Variants in PSMA8 observed in about 807,000 individuals in gnomAD.
PSMA8 encodes the protein proteasome subunit alpha-type 8.
Under a neutral mutation model 32.4 loss-of-function variants are expected in PSMA8, and 18 were observed. That is an observed-to-expected ratio of 0.56 (90% CI 0.38 to 0.82). The LOEUF (loss-of-function observed/expected upper bound fraction) is 0.82. Among genes scored for constraint, PSMA8 ranks in the 40% least tolerant of loss-of-function variants. The pLI is 0.00. For missense variants in PSMA8, 298 were observed against 300.7 expected, an observed-to-expected ratio of 0.99 and a Z score of 0.07; for synonymous variants, 104 against 98.1, an observed-to-expected ratio of 1.06 and a Z score of -0.36.
chr18:26,144,777 A>G (rs2054989232), intron 2 of PSMA8, 92 bp downstream of exon 2: 1 of 1,225,540 alleles, frequency 8.2e-7, no homozygotes, highest in African/African-American at 1.5e-5. Flanking sequence ...TATATTTATA[A>G]AACATGTGGA....
At chr18:26,144,509 T>C (rs750225138) in intron 1 of PSMA8, 50 bp from the exon 2 acceptor site, 1 of 1,523,180 alleles carries the variant, frequency 6.6e-7, no homozygotes, top group South Asian at 1.2e-5. Context: ...AACTTGGTTT[T>C]ATATTTTAAA....
intron 4 of PSMA8, among the ~76,000 whole-genome samples, chr18:26,159,699 T>C (rs1041139197): frequency 6.6e-6 from 1 of 151,984 alleles, no homozygotes. Context: ...GTCAGGAAAA[T>C]TATGGAATTT....
intron 4 of PSMA8, among the ~76,000 whole-genome samples, chr18:26,176,636 T>TA (rs1256711150): frequency 6.6e-6 from 1 of 152,168 alleles, no homozygotes; most frequent in Non-Finnish European, 1.5e-5. Context: ...CCCATAATCA[T>TA]AATACTAAAC....
At chr18:26,154,452 T>C (rs886634669) in intron 3 of PSMA8, among the ~76,000 whole-genome samples, 6 of 152,140 alleles carry the variant, frequency 3.9e-5, no homozygotes, top group African/African-American at 1.4e-4. Flanking sequence ...TTCCCAATTG[T>C]AGTTTTTAGG....
chr18:26,162,693 A>G (rs1038837136), intron 4 of PSMA8, among the ~76,000 whole-genome samples: 2 of 151,968 alleles, frequency 1.3e-5, no homozygotes, highest in Admixed American at 1.3e-4. Context: ...GTGAAACCCC[A>G]TCTCTACTAA....
Position 26,158,059 on chromosome 18 carries a change from A to G in PSMA8, c.355-63A>G, listed in dbSNP as rs2055104542. 2.6e-6 allele frequency: 3 copies of G among 1,156,036 alleles called. No individual in the cohort carries two copies. The African/African-American group carries it at 4.8e-5, about 18-fold the overall frequency. The allele number at this position is 1,156,036 out of a possible 1,614,324, so 71.6% of individuals were successfully genotyped here. A position where few individuals can be genotyped will look rare whatever the true frequency, so the allele number is the denominator to read the frequency against. ...TGGATCATTTGGGCAGCAATGCTTT[A>G]TTATTAGAATTTTTATTTTGTAACT... On this transcript the variant is annotated intron_variant, in intron 3 of 6. Coordinates refer to ENST00000415576, the MANE Select transcript of PSMA8 (RefSeq NM_001025096.2).
rs1407854242 is a variant in PSMA8, at chr18:26,153,125, T to C, written c.354+1143T>C. On this transcript the variant is annotated intron_variant, in intron 3 of 6. Transcript: ENST00000415576. Reference sequence around the variant, plus strand: ...TAATCATGATGTCTACAACTATTTTTTTTTACTAATTTTAAGTATATTTTA... The same window carrying C: ...TAATCATGATGTCTACAACTATTTTCTTTTACTAATTTTAAGTATATTTTA... 4.6e-5 allele frequency among the ~76,000 whole-genome samples: 7 copies of C among 152,306 alleles called. No homozygotes were observed. In the South Asian group the frequency reaches 1.4e-3, roughly 32 times the overall value.
intron 1 of PSMA8, chr18:26,140,213 C>T (rs561130947): frequency 4.6e-5 from 32 of 693,618 alleles, no homozygotes; most frequent in South Asian, 2.6e-4. Context: ...GGCAGGCTGG[C>T]GTGATGCCTA....
chr18:26,160,469 T>C (rs188833920), intron 4 of PSMA8, among the ~76,000 whole-genome samples: 27 of 152,374 alleles, frequency 1.8e-4, no homozygotes, highest in African/African-American at 6.5e-4. Flanking sequence ...TCTTGGAAGG[T>C]AGAATAAAAT....
At chr18:26,145,673 A>G (rs78574471) in intron 2 of PSMA8, among the ~76,000 whole-genome samples, 2,316 of 152,324 alleles carry the variant, frequency 0.015, 63 homozygotes, top group African/African-American at 0.052. Flanking sequence ...CTTGCAGTTC[A>G]TGCAAGTTGT....
intron 4 of PSMA8, among the ~76,000 whole-genome samples, chr18:26,175,286 G>T (rs773426228): frequency 1.3e-5 from 2 of 152,186 alleles, no homozygotes; most frequent in Non-Finnish European, 2.9e-5. Flanking sequence ...CTCATGGGAA[G>T]ATTATTATTT....
chr18:26,167,836 G>A (rs1209025183), intron 4 of PSMA8, among the ~76,000 whole-genome samples: 1 of 142,358 alleles, frequency 7.0e-6, no homozygotes, highest in Non-Finnish European at 1.5e-5. Context: ...ATGCCACCTG[G>A]TCTGTGGTAT....
chr18:26,154,265 G>A (rs1419117597), intron 3 of PSMA8, among the ~76,000 whole-genome samples: 1 of 152,122 alleles, frequency 6.6e-6, no homozygotes, highest in Non-Finnish European at 1.5e-5. Flanking sequence ...ATATATGTAA[G>A]TTTTAACTGA....
chr18:26,179,415 G>A (rs969425011), intron 6 of PSMA8, among the ~76,000 whole-genome samples: 1 of 151,920 alleles, frequency 6.6e-6, no homozygotes, highest in Non-Finnish European at 1.5e-5. Flanking sequence ...ACAACTGTGA[G>A]CCACCGCAGT....
At chr18:26,138,897 A>G (rs921317851) in intron 1 of PSMA8, among the ~76,000 whole-genome samples, 18 of 152,338 alleles carry the variant, frequency 1.2e-4, no homozygotes, top group African/African-American at 4.3e-4. Context: ...CCTGCTAAGT[A>G]AATGGTACTG....
chr18:26,179,361 T>C (rs2055291306), intron 6 of PSMA8, among the ~76,000 whole-genome samples: 2 of 151,428 alleles, frequency 1.3e-5, no homozygotes, highest in South Asian at 2.1e-4. Context: ...CTCTAACTCC[T>C]AGAATCAAGC....
At chr18:26,152,053 T>G in intron 3 of PSMA8, 71 bp downstream of exon 3, 1 of 1,164,794 alleles carries the variant, frequency 8.6e-7, no homozygotes, top group East Asian at 2.5e-5. Flanking sequence ...ATCATAGAAG[T>G]ACTACAGTTA....
At chr18:26,172,164 A>G (rs975919186) in intron 4 of PSMA8, among the ~76,000 whole-genome samples, 4 of 152,254 alleles carry the variant, frequency 2.6e-5, no homozygotes, top group African/African-American at 7.2e-5. Flanking sequence ...CCCAAGGCAC[A>G]TGATATCTCT....
chr18:26,182,178 T>G (rs1376336362), intron 6 of PSMA8, among the ~76,000 whole-genome samples: 4 of 152,190 alleles, frequency 2.6e-5, no homozygotes, highest in Non-Finnish European at 5.9e-5. Flanking sequence ...AAGCAGCAAG[T>G]ACTGATGGAG....
Sources: allele counts gnomAD v4.1 joint callset (sites outside exome capture counted in the v4.1 genomes callset), GRCh38; gene constraint gnomAD v4.1.1; transcripts MANE v1.5; gene names NCBI Gene and HGNC (gene_info 2026-07-23, HGNC 2026-07-21).